The following ARK2C variants were observed in gnomAD, a reference collection of about 807,000 sequenced individuals.
ARK2C encodes E3 ubiquitin-protein ligase ARK2C.
chr18:46,363,940 CTTTTCTTTTTTT>C, the ARK2C span, among the ~76,000 whole-genome samples: 20 of 140,406 alleles, frequency 1.4e-4, no homozygotes, highest in African/African-American at 5.5e-4. Context: ...TTTCTTTTTT[CTTTTCTTTTTTT>C]TTTTTTTTTG....
At chr18:46,383,027 G>T in the ARK2C span, among the ~76,000 whole-genome samples, 1 of 152,246 alleles carries the variant, frequency 6.6e-6, no homozygotes. Flanking sequence ...CCCCTAGCCT[G>T]CTGGGCCAGC....
At chr18:46,358,046 A>G in the ARK2C span, among the ~76,000 whole-genome samples, 11 of 152,158 alleles carry the variant, frequency 7.2e-5, no homozygotes, top group Non-Finnish European at 1.3e-4. Context: ...CTCATCCAGT[A>G]TGACCTCATC....
the ARK2C span, among the ~76,000 whole-genome samples, chr18:46,383,371 G>A: frequency 1.3e-5 from 2 of 152,160 alleles, no homozygotes; most frequent in East Asian, 3.8e-4. Context: ...TTCGAAAGGG[G>A]ATGTAAGGAA....
the ARK2C span, among the ~76,000 whole-genome samples, chr18:46,363,301 G>A: frequency 2.0e-5 from 3 of 152,206 alleles, no homozygotes; most frequent in African/African-American, 7.2e-5. Context: ...TGGCTGCAGA[G>A]GAAGCAAAGG....
chr18:46,363,433 G>C, the ARK2C span, among the ~76,000 whole-genome samples: 2 of 152,234 alleles, frequency 1.3e-5, no homozygotes, highest in African/African-American at 2.4e-5. Flanking sequence ...GCCATCAGGG[G>C]CATGTGCCTG....
chr18:46,456,095 T>C, the ARK2C span: 2 of 1,475,220 alleles, frequency 1.4e-6, no homozygotes, highest in South Asian at 1.2e-5. Flanking sequence ...GAGACCGCCA[T>C]TTTGATTCCC....
chr18:46,427,604 C>T, the ARK2C span, among the ~76,000 whole-genome samples: 5 of 152,226 alleles, frequency 3.3e-5, no homozygotes, highest in African/African-American at 4.8e-5. Context: ...TTTCCCGTTC[C>T]GTTTCAAACC....
chr18:46,337,031 G>A, the ARK2C span: 15 of 985,182 alleles, frequency 1.5e-5, no homozygotes, highest in Non-Finnish European at 1.7e-5. Context: ...TTGGACATCC[G>A]CCCTGGCCCT....
the ARK2C span, among the ~76,000 whole-genome samples, chr18:46,363,961 T>TGA: frequency 6.8e-6 from 1 of 147,686 alleles, no homozygotes; most frequent in African/African-American, 2.5e-5. Context: ...TTTTTTTTTT[T>TGA]GAGAGAGAGA....
chr18:46,447,254 G>C, the ARK2C span, among the ~76,000 whole-genome samples: 1 of 152,062 alleles, frequency 6.6e-6, no homozygotes, highest in Non-Finnish European at 1.5e-5. Context: ...GCTCGATTTA[G>C]ATTCTTCTTT....
chr18:46,340,273 G>A, the ARK2C span, among the ~76,000 whole-genome samples: 141 of 152,148 alleles, frequency 9.3e-4, no homozygotes, highest in African/African-American at 3.4e-3. Context: ...ATCTTGGAAC[G>A]ACTCAGATTT....
the ARK2C span, among the ~76,000 whole-genome samples, chr18:46,438,037 G>A: frequency 1.3e-5 from 2 of 152,274 alleles, no homozygotes; most frequent in African/African-American, 4.8e-5. Flanking sequence ...AAGAACTTAG[G>A]GTCTGTACAG....
chr18:46,409,832 C>A, the ARK2C span, among the ~76,000 whole-genome samples: 1 of 152,196 alleles, frequency 6.6e-6, no homozygotes, highest in Non-Finnish European at 1.5e-5. Context: ...CAATATTCCC[C>A]AATAATGCAT....
the ARK2C span, among the ~76,000 whole-genome samples, chr18:46,393,530 C>T: frequency 2.6e-5 from 4 of 152,150 alleles, no homozygotes; most frequent in Non-Finnish European, 2.9e-5. Flanking sequence ...GGACGCCCCC[C>T]GCCACCACCC....
At chr18:46,334,438 C>T in the ARK2C span, 3 of 995,742 alleles carry the variant, frequency 3.0e-6, no homozygotes, top group Non-Finnish European at 2.7e-6. This position sits in a 1 kb window ranked among gnomAD's most constrained non-coding sequence, Gnocchi z 4.4. Context: ...GGCACACCCG[C>T]GAGGACGCAG....
chr18:46,350,498 G>A, the ARK2C span, among the ~76,000 whole-genome samples: 4 of 152,324 alleles, frequency 2.6e-5, no homozygotes, highest in East Asian at 7.7e-4. Flanking sequence ...CACACGAGGG[G>A]TGTCAAGAGG....
chr18:46,406,379 C>T, the ARK2C span, among the ~76,000 whole-genome samples: 4 of 152,236 alleles, frequency 2.6e-5, no homozygotes, highest in Admixed American at 6.5e-5. Context: ...CCTGTGGGTG[C>T]TGGCCGGGGC....
the ARK2C span, among the ~76,000 whole-genome samples, chr18:46,416,525 C>G: frequency 1.3e-5 from 2 of 152,230 alleles, no homozygotes; most frequent in African/African-American, 4.8e-5. Flanking sequence ...AATTGAGTCC[C>G]CACCTCAATA....
the ARK2C span, chr18:46,336,605 A>G: frequency 1.0e-6 from 1 of 985,452 alleles, no homozygotes; most frequent in African/African-American, 1.7e-5. Context: ...AGAGTTTGCC[A>G]GCTTAAATCT....
Sources: allele counts gnomAD v4.1 joint callset (sites outside exome capture counted in the v4.1 genomes callset), GRCh38; gene constraint gnomAD v4.1.1; non-coding constraint Gnocchi (gnomAD v3.1); transcripts MANE v1.5; gene names NCBI Gene and HGNC (gene_info 2026-07-23, HGNC 2026-07-21).